Variants in LRGUK observed in about 807,000 individuals in gnomAD.
LRGUK encodes leucine-rich repeat and guanylate kinase domain-containing protein.
Under a neutral mutation model 76.0 loss-of-function variants are expected in LRGUK, and 65 were observed. That is an observed-to-expected ratio of 0.85 (90% confidence interval 0.70 to 1.05). The LOEUF (loss-of-function observed/expected upper bound fraction) is 1.05. LRGUK is among the 50% of genes least tolerant of loss of function. The pLI is 0.00. For synonymous variants in LRGUK, 268 were observed against 265.6 expected (o/e 1.01, Z -0.09); for missense variants, 758 against 732.8 (o/e 1.03, Z -0.40).
At chr7:134,241,541 C>G (rs1356111436) in intron 16 of LRGUK, among the ~76,000 whole-genome samples, 1 of 152,080 alleles carries the variant, frequency 6.6e-6, no homozygotes, top group Non-Finnish European at 1.5e-5. Context: ...ACAGGAGCAC[C>G]CAGATTCATA....
chr7:134,177,427 T>G (rs1057319822), intron 9 of LRGUK, among the ~76,000 whole-genome samples: 11 of 152,228 alleles, frequency 7.2e-5, no homozygotes. Context: ...GAAAAATTCA[T>G]TTAACAATAA....
chr7:134,247,650 A>C lies in LRGUK; in HGVS notation c.2072+6A>C, dbSNP rs777269809. On this transcript the variant is annotated splice_donor_region_variant and intron_variant, in intron 17 of 19. Coordinates refer to the LRGUK transcript ENST00000285928. ...CACACACTCCTATTTCAAAGGTAGC[A>C]ATTTATCACATGAGCAACTTTAGAT... 6 of 1,599,480 alleles carry C rather than the reference A, an allele frequency of 3.8e-6. No homozygotes were observed. The highest frequency in any genetic ancestry group is 5.1e-6 in the Non-Finnish European group (6 of 1,167,468).
At chr7:134,189,424 A>G (rs1292418527) in intron 11 of LRGUK, among the ~76,000 whole-genome samples, 1 of 152,146 alleles carries the variant, frequency 6.6e-6, no homozygotes, top group Non-Finnish European at 1.5e-5. Flanking sequence ...GAACATTTCT[A>G]TATGTGAAAA....
At chr7:134,155,684 T>TTATG (rs1798422920) in intron 5 of LRGUK, among the ~76,000 whole-genome samples, 1 of 152,190 alleles carries the variant, frequency 6.6e-6, no homozygotes, top group African/African-American at 2.4e-5. Context: ...GCTTTATAAT[T>TTATG]GTGAGGTGAT....
Position 134,127,387 on chromosome 7 carries a change from C to G in LRGUK, c.20C>G (p.Ala7Gly), listed in dbSNP as rs1554449293. Residue 7 changes from alanine to glycine, a missense_variant, in exon 1 of 16, where the codon GCT becomes GGT. Transcript: ENST00000645682. Reference sequence around the variant, plus strand: ...AACAAGATGGCGACCTCCGAGAGGGCTCTCCTGAGGACCAGAGCTGCCTCT... The same window carrying G: ...AACAAGATGGCGACCTCCGAGAGGGGTCTCCTGAGGACCAGAGCTGCCTCT... 1.9e-6 allele frequency: 3 copies of G among 1,609,704 alleles called. No homozygotes were observed. In the South Asian group the frequency reaches 3.3e-5, roughly 18 times the overall value.
chr7:134,139,528 G>A lies in LRGUK; in HGVS notation c.487+11G>A. ...CGAATAAAATTGAAGGTATGTAATT[G>A]TCATTCTAGATTGATCACTGAATTA... On this transcript the variant is annotated intron_variant, in intron 3 of 15. Transcript: ENST00000645682. 1 of 1,551,200 alleles carries A rather than the reference G, an allele frequency of 6.4e-7. No individual in the cohort carries two copies.
chr7:134,135,855 A>G (rs535865078), intron 1 of LRGUK, among the ~76,000 whole-genome samples: 2 of 152,244 alleles, frequency 1.3e-5, no homozygotes, highest in African/African-American at 4.8e-5. Context: ...ACGGGGTTTC[A>G]CCGTGTTAGC....
At chr7:134,168,398 A>G (rs1247588800) in intron 7 of LRGUK, among the ~76,000 whole-genome samples, 1 of 152,130 alleles carries the variant, frequency 6.6e-6, no homozygotes, top group Non-Finnish European at 1.5e-5. Context: ...TGTTGACTGA[A>G]TGCAGGACCC....
intron 11 of LRGUK, 91 bp from the exon 12 acceptor site, chr7:134,191,564 T>G: frequency 1.1e-6 from 1 of 905,656 alleles, no homozygotes; most frequent in South Asian, 1.5e-5. Flanking sequence ...GTGGATTAAC[T>G]TCATTTTTTA....
At chr7:134,129,291 G>A (rs1482991239) in intron 1 of LRGUK, among the ~76,000 whole-genome samples, 1 of 93,800 alleles carries the variant, frequency 1.1e-5, no homozygotes, top group Admixed American at 1.5e-4. Flanking sequence ...CCTCCACTCT[G>A]TCTCTCTTTC....
Position 134,132,642 on chromosome 7 carries a change from C to T in LRGUK, c.298-4381C>T, listed in dbSNP as rs1797363187. 2.0e-5 allele frequency among the ~76,000 whole-genome samples: 3 copies of T among 152,172 alleles called. No individual in the cohort carries two copies. The South Asian group carries it at 6.2e-4, about 32-fold the overall frequency. On this transcript the variant is annotated intron_variant, in intron 1 of 15. Coordinates refer to ENST00000645682, the Ensembl canonical transcript of LRGUK. ...AAGGAACCTGCAGGACTGAAGAAAG[C>T]CTCTGTAGGACAGAAGAGTCTAACA...
intron 8 of LRGUK, among the ~76,000 whole-genome samples, chr7:134,175,432 AG>A (rs1161575811): frequency 1.3e-5 from 2 of 152,258 alleles, no homozygotes; most frequent in African/African-American, 4.8e-5. Context: ...CCCTTGGGAC[AG>A]GAACAGTGGG....
chr7:134,159,336 CAAAA>C (rs35701399), intron 6 of LRGUK, among the ~76,000 whole-genome samples: 21 of 81,460 alleles, frequency 2.6e-4, no homozygotes, highest in East Asian at 1.1e-3. Flanking sequence ...GACCCTGCCT[CAAAA>C]AAAAAAAAAA....
intron 16 of LRGUK, among the ~76,000 whole-genome samples, chr7:134,225,644 T>G (rs988348988): frequency 1.1e-4 from 16 of 152,206 alleles, no homozygotes; most frequent in Non-Finnish European, 2.4e-4. Flanking sequence ...AATACTGAAT[T>G]GCTCTTGTCA....
At chr7:134,160,420 G>T (rs902230952) in intron 6 of LRGUK, among the ~76,000 whole-genome samples, 1 of 152,046 alleles carries the variant, frequency 6.6e-6, no homozygotes, top group East Asian at 1.9e-4. Flanking sequence ...TTAATTTTTT[G>T]ATAATAGAAA....
intron 11 of LRGUK, among the ~76,000 whole-genome samples, chr7:134,188,406 G>C (rs1416514551): frequency 6.6e-6 from 1 of 152,066 alleles, no homozygotes; most frequent in Non-Finnish European, 1.5e-5. Flanking sequence ...GGAGGGGAAT[G>C]GCGTGATCAC....
intron 6 of LRGUK, among the ~76,000 whole-genome samples, chr7:134,159,944 T>C (rs1436369879): frequency 1.3e-5 from 2 of 152,214 alleles, no homozygotes; most frequent in Non-Finnish European, 2.9e-5. Context: ...TGAAGGCATG[T>C]GAGCAAAACA....
chr7:134,163,721 C>G (rs996234545), intron 7 of LRGUK, among the ~76,000 whole-genome samples, 181 bp downstream of exon 7: 11 of 152,192 alleles, frequency 7.2e-5, no homozygotes, highest in African/African-American at 2.7e-4. Flanking sequence ...AAAATACTTA[C>G]AATCTTAATT....
chr7:134,152,572 G>A (rs572015152), intron 5 of LRGUK, among the ~76,000 whole-genome samples: 1 of 152,096 alleles, frequency 6.6e-6, no homozygotes, highest in African/African-American at 2.4e-5. Context: ...CAAAATTTAA[G>A]AAATCTAAAC....
Sources: gnomAD v4.1 joint callset for allele counts (sites outside exome capture counted in the v4.1 genomes callset) on GRCh38, gnomAD v4.1.1 for gene constraint, MANE v1.5 for transcripts, NCBI Gene and HGNC (gene_info 2026-07-23, HGNC 2026-07-21) for gene names.